KCNMA1: variants seen among roughly 807,000 people sequenced by gnomAD.
The protein encoded by KCNMA1 is Calcium-activated potassium channel subunit alpha-1.
In KCNMA1, 29 loss-of-function variants were observed where a neutral mutation model predicts 140.0. The ratio of observed to expected loss-of-function variants is 0.21; its 90% CI spans 0.15 to 0.28. KCNMA1 has a LOEUF of 0.28. Ranked by LOEUF, KCNMA1 falls within the 10% of genes least tolerant of loss-of-function variation. The probability of loss-of-function intolerance (pLI) is 1.00; values close to 1 mark genes in which losing one functional copy is unlikely to be tolerated. For missense variants in KCNMA1, 880 were observed against 1,602.2 expected (o/e 0.55, Z 7.70); for synonymous variants, 612 against 611.9 (o/e 1.00, Z 0.00).
At position 77,109,782 on chromosome 10, in the gene KCNMA1, C is replaced by T. The variant is rs961073183; in HGVS notation, c.1131+391G>A. Among the ~76,000 whole-genome samples the T allele has an allele frequency of 4.6e-5, 7 of 152,128 alleles. No individual in the cohort carries two copies. In the East Asian group the frequency reaches 5.8e-4, roughly 13 times the overall value. The stretch of plus-strand genomic sequence containing the variant: ...AAGGGGAAGGGAGAGCTCTTGAAAC[C>T]GCAAACTGTCTCTACAAAGTATCGA... On this transcript the variant is annotated intron_variant, in intron 8 of 27. Coordinates refer to ENST00000286628, the MANE Select transcript of KCNMA1 (RefSeq NM_001161352.2).
chr10:77,051,114 G>T (rs553775181), intron 14 of KCNMA1, among the ~76,000 whole-genome samples: 3 of 152,230 alleles, frequency 2.0e-5, no homozygotes, highest in African/African-American at 7.2e-5. Context: ...GCCCTGATTT[G>T]CATCCCTAAT....
chr10:77,198,594 T>TATATATATATATATATATATATA, intron 3 of KCNMA1, among the ~76,000 whole-genome samples: 1 of 147,030 alleles, frequency 6.8e-6, no homozygotes, highest in Non-Finnish European at 1.5e-5. Flanking sequence ...TATATATATA[T>TATATATATATATATATATATATA]TTCTTAACAT....
chr10:77,580,380 C>CAA (rs35626401), intron 1 of KCNMA1, among the ~76,000 whole-genome samples: 3 of 95,512 alleles, frequency 3.1e-5, no homozygotes, highest in Admixed American at 1.1e-4. Flanking sequence ...GACTCCATCT[C>CAA]AAAAAAAAAA....
intron 1 of KCNMA1, among the ~76,000 whole-genome samples, chr10:77,547,450 G>A (rs570072997): frequency 1.1e-3 from 168 of 152,288 alleles, no homozygotes; most frequent in African/African-American, 3.9e-3. Context: ...AGGAAGACAG[G>A]GAGGGAGGGC....
In KCNMA1 at chr10:76,887,423, G is replaced by C. The variant is rs768738422; in HGVS notation, c.3554C>G (p.Ser1185Cys). 2.5e-6 allele frequency: 4 copies of C among 1,614,152 alleles called. No homozygotes were observed. Among genetic ancestry groups the C allele is most frequent in the Non-Finnish European group, 2.5e-6 (3 of 1,180,022 alleles). The change falls in exon 28 of 28, where the codon TCC becomes TGC. Residue 1185 changes from serine (S) to cysteine (C), a missense_variant. Coordinates refer to ENST00000286628, the MANE Select transcript of KCNMA1 (RefSeq NM_001161352.2). ...GGAGGAATGGGACAGGCTGGCCCGG[G>C]ACTGGCCGGCATTGTGGTCAAACTG... ...LMQFDHNAGQ[S>C]RASLSHSSHS...
chr10:77,606,679 C>T (rs2084659435), intron 1 of KCNMA1, among the ~76,000 whole-genome samples: 1 of 152,158 alleles, frequency 6.6e-6, no homozygotes, highest in Admixed American at 6.5e-5. Context: ...GCCCGTCTTC[C>T]TAAGTCCTTT....
At chr10:76,953,135 C>T (rs1241481707) in intron 21 of KCNMA1, among the ~76,000 whole-genome samples, 4 of 152,110 alleles carry the variant, frequency 2.6e-5, no homozygotes, top group Non-Finnish European at 2.9e-5. Context: ...GCTCTGAGCC[C>T]CAGCCTCCCC....
At chr10:77,261,567 A>C (rs2062014923) in intron 2 of KCNMA1, among the ~76,000 whole-genome samples, 1 of 152,162 alleles carries the variant, frequency 6.6e-6, no homozygotes, top group Non-Finnish European at 1.5e-5. Context: ...TATTCCTCCT[A>C]GGGCTTAATT....
chr10:77,073,996 C>A (rs1470400958), intron 13 of KCNMA1, among the ~76,000 whole-genome samples: 3 of 152,094 alleles, frequency 2.0e-5, no homozygotes, highest in African/African-American at 7.2e-5. Flanking sequence ...AGCAGAGAGT[C>A]ATAGAAAATA....
chr10:77,277,805 G>A (rs1277913666), intron 2 of KCNMA1, among the ~76,000 whole-genome samples: 1 of 152,172 alleles, frequency 6.6e-6, no homozygotes, highest in East Asian at 1.9e-4. Flanking sequence ...TTGACCCCAA[G>A]TACCACAATT....
At chr10:77,619,467 G>C (rs1486818196) in intron 1 of KCNMA1, among the ~76,000 whole-genome samples, 1 of 152,074 alleles carries the variant, frequency 6.6e-6, no homozygotes, top group Non-Finnish European at 1.5e-5. Context: ...CATAGCCTCA[G>C]AAGTCACATA....
intron 1 of KCNMA1, among the ~76,000 whole-genome samples, chr10:77,578,579 C>T (rs1242371165): frequency 6.6e-6 from 1 of 152,166 alleles, no homozygotes; most frequent in Non-Finnish European, 1.5e-5. Flanking sequence ...TGCTGTGAGC[C>T]TGGAAGAAGA....
chr10:77,467,130 G>T (rs927063678), intron 1 of KCNMA1, among the ~76,000 whole-genome samples: 1 of 152,130 alleles, frequency 6.6e-6, no homozygotes, highest in Non-Finnish European at 1.5e-5. Flanking sequence ...TCCATTTGAT[G>T]TGCACCATCA....
intron 1 of KCNMA1, among the ~76,000 whole-genome samples, chr10:77,615,929 G>C (rs11593691): frequency 0.25 from 38,210 of 152,086 alleles, 5,102 homozygotes; most frequent in Middle Eastern, 0.41. Flanking sequence ...ATTTATTGAG[G>C]ACTTACAAGA....
intron 2 of KCNMA1, among the ~76,000 whole-genome samples, chr10:77,318,789 G>A (rs375729369): frequency 6.6e-6 from 1 of 152,130 alleles, no homozygotes; most frequent in African/African-American, 2.4e-5. Context: ...AAGAGTTGAG[G>A]AAGGTTTTTG....
chr10:77,584,209 C>A (rs2076615595), intron 1 of KCNMA1, among the ~76,000 whole-genome samples: 1 of 152,184 alleles, frequency 6.6e-6, no homozygotes, highest in Non-Finnish European at 1.5e-5. Context: ...ACCACCCAAC[C>A]ACCTTAGACG....
At chr10:76,894,150 T>C (rs1316706588) in intron 25 of KCNMA1, among the ~76,000 whole-genome samples, 1 of 152,202 alleles carries the variant, frequency 6.6e-6, no homozygotes, top group East Asian at 1.9e-4. Flanking sequence ...GGAAAATAAT[T>C]GAAAATCCAG....
intron 2 of KCNMA1, among the ~76,000 whole-genome samples, chr10:77,381,172 T>A (rs2095369412): frequency 6.6e-6 from 1 of 152,180 alleles, no homozygotes; most frequent in South Asian, 2.1e-4. Flanking sequence ...AGGAAATAAG[T>A]GTCAACCATA....
intron 16 of KCNMA1, among the ~76,000 whole-genome samples, chr10:77,025,636 G>A (rs1331948750): frequency 6.6e-6 from 1 of 151,930 alleles, no homozygotes. Flanking sequence ...AACAAAGGCA[G>A]TTAAACACAG....
Sources: gnomAD v4.1 joint callset for allele counts (sites outside exome capture counted in the v4.1 genomes callset) on GRCh38, gnomAD v4.1.1 for gene constraint, MANE v1.5 for transcripts, NCBI Gene and HGNC (gene_info 2026-07-23, HGNC 2026-07-21) for gene names.